Variants in PDGFC observed in about 807,000 individuals in gnomAD.
PDGFC encodes platelet-derived growth factor C.
In PDGFC, 12 loss-of-function variants were observed where a neutral mutation model predicts 35.5. The observed-to-expected ratio is 0.34, with a 90% CI of 0.22 to 0.55. PDGFC has a LOEUF of 0.55. PDGFC is among the 20% of genes least tolerant of loss of function. The probability of loss-of-function intolerance (pLI) is 0.91; values close to 1 mark genes in which losing one functional copy is unlikely to be tolerated. For synonymous variants in PDGFC, 159 were observed against 148.8 expected, an observed-to-expected ratio of 1.07 and a Z score of -0.50; for missense variants, 322 against 412.4, an observed-to-expected ratio of 0.78 and a Z score of 1.90.
At chr4:156,874,550 G>T (rs1007260415) in intron 1 of PDGFC, among the ~76,000 whole-genome samples, 2 of 151,924 alleles carry the variant, frequency 1.3e-5, no homozygotes, top group African/African-American at 4.8e-5. Context: ...CAAAGTCAAT[G>T]AAATTGAAAT....
intron 3 of PDGFC, chr4:156,774,621 G>A (rs1458365840): frequency 6.6e-6 from 1 of 151,116 alleles, no homozygotes; most frequent in Non-Finnish European, 1.5e-5. Context: ...AGAAATGAAC[G>A]TGGCAGCCTT....
chr4:156,820,565 C>T (rs7677425), intron 2 of PDGFC, among the ~76,000 whole-genome samples: 9,032 of 152,208 alleles, frequency 0.059, 879 homozygotes, highest in African/African-American at 0.21. Flanking sequence ...AAAATATTCA[C>T]GTGATTGTAT....
At chr4:156,763,684 C>G (rs191896892) in intron 5 of PDGFC, among the ~76,000 whole-genome samples, 4 of 152,324 alleles carry the variant, frequency 2.6e-5, no homozygotes, top group Admixed American at 2.6e-4. Context: ...ACAGCTGAGT[C>G]TGCTCAATTA....
chr4:156,871,282 T>C (rs1729977093), intron 1 of PDGFC, among the ~76,000 whole-genome samples: 2 of 151,952 alleles, frequency 1.3e-5, no homozygotes, highest in Admixed American at 1.3e-4. Flanking sequence ...AATTTATAGA[T>C]AAACAGGCCT....
intron 1 of PDGFC, among the ~76,000 whole-genome samples, chr4:156,857,078 G>GTT (rs199579839): frequency 7.0e-6 from 1 of 143,016 alleles, no homozygotes. Context: ...ATATCTGAGG[G>GTT]TTTTTTTTTT....
chr4:156,955,785 C>T (rs1560889885), intron 1 of PDGFC, among the ~76,000 whole-genome samples: 1 of 151,962 alleles, frequency 6.6e-6, no homozygotes, highest in Non-Finnish European at 1.5e-5. Flanking sequence ...TAAACATGCT[C>T]TTAGTATGTC....
chr4:156,801,044 C>G (rs2110913992), intron 3 of PDGFC, among the ~76,000 whole-genome samples: 1 of 152,194 alleles, frequency 6.6e-6, no homozygotes, highest in South Asian at 2.1e-4. Context: ...TTGCAACTTC[C>G]CCAGTTACTC....
At chr4:156,860,065 A>G (rs1261606356) in intron 1 of PDGFC, among the ~76,000 whole-genome samples, 2 of 152,218 alleles carry the variant, frequency 1.3e-5, no homozygotes, top group African/African-American at 4.8e-5. Flanking sequence ...GTTGAGACAG[A>G]ATGGAATAAA....
intron 1 of PDGFC, among the ~76,000 whole-genome samples, chr4:156,890,888 T>C (rs1202906941): frequency 2.0e-5 from 3 of 152,174 alleles, no homozygotes; most frequent in Non-Finnish European, 4.4e-5. Context: ...TAGGTAACCA[T>C]GTATGTATCC....
At position 156,767,905 on chromosome 4, in the gene PDGFC, T is replaced by C; in HGVS notation, c.789A>G (p.Leu263=). 1.2e-6 allele frequency: 2 copies of C among 1,613,040 alleles called. No homozygotes were observed. Among genetic ancestry groups the C allele is most frequent in the Non-Finnish European group, 1.7e-6 (2 of 1,179,102 alleles). ...RNFSVSIREE[L]KRTDTIFWPG... ...GCCAGAAAATGGTATCGGTTCTCTT[T>C]AGTTCTTCCCTTATGGACACTGAGA... is the stretch of plus-strand genomic sequence containing the variant. Residue 263 remains leucine, a synonymous_variant, in exon 5 of 6, where the codon CTA becomes CTG. Coordinates refer to ENST00000502773, the MANE Select transcript of PDGFC (RefSeq NM_016205.3).
intron 1 of PDGFC, among the ~76,000 whole-genome samples, chr4:156,952,446 T>C (rs1487057789): frequency 1.3e-5 from 2 of 151,896 alleles, no homozygotes; most frequent in Non-Finnish European, 2.9e-5. Context: ...TGGAGTTTTT[T>C]TGTTACTCAC....
intron 1 of PDGFC, among the ~76,000 whole-genome samples, chr4:156,884,690 T>C (rs1206466665): frequency 2.6e-5 from 4 of 152,238 alleles, no homozygotes; most frequent in African/African-American, 7.2e-5. Context: ...TTGCTAATTG[T>C]TTTCAAAAGT....
At chr4:156,827,136 G>A (rs1436978228) in intron 2 of PDGFC, among the ~76,000 whole-genome samples, 1 of 152,100 alleles carries the variant, frequency 6.6e-6, no homozygotes, top group East Asian at 1.9e-4. Context: ...AGAACAGATT[G>A]GCTGGGCACA....
chr4:156,955,575 G>A (rs1008891869), intron 1 of PDGFC, among the ~76,000 whole-genome samples: 6 of 151,886 alleles, frequency 4.0e-5, no homozygotes, highest in South Asian at 2.1e-4. Context: ...ATAATAATAC[G>A]AAAAATGTAA....
intron 2 of PDGFC, among the ~76,000 whole-genome samples, chr4:156,827,024 T>G (rs1345771282): frequency 6.6e-6 from 1 of 152,248 alleles, no homozygotes; most frequent in Non-Finnish European, 1.5e-5. Flanking sequence ...TATTCTATAA[T>G]GAAATGGTTT....
At chr4:156,957,072 C>A (rs191320809) in intron 1 of PDGFC, among the ~76,000 whole-genome samples, 5 of 152,012 alleles carry the variant, frequency 3.3e-5, no homozygotes, top group Non-Finnish European at 7.4e-5. Context: ...TACCTACTTC[C>A]CTACCAAATA....
intron 1 of PDGFC, among the ~76,000 whole-genome samples, chr4:156,901,748 G>A (rs1730791899): frequency 6.6e-6 from 1 of 151,964 alleles, no homozygotes; most frequent in South Asian, 2.1e-4. Context: ...TCGGCCTCCT[G>A]AGGAGCTCGG....
intron 1 of PDGFC, chr4:156,876,287 A>T (rs2111158334): frequency 6.6e-6 from 1 of 152,324 alleles, no homozygotes; most frequent in Admixed American, 6.5e-5. Flanking sequence ...CCAAATAAGT[A>T]TTTGTTTAGT....
intron 1 of PDGFC, among the ~76,000 whole-genome samples, chr4:156,882,708 C>T (rs1326189453): frequency 6.6e-6 from 1 of 152,152 alleles, no homozygotes; most frequent in Non-Finnish European, 1.5e-5. Context: ...ATATATTTCT[C>T]TAAAACAATT....
Sources: gnomAD v4.1 joint callset for allele counts (sites outside exome capture counted in the v4.1 genomes callset) on GRCh38, gnomAD v4.1.1 for gene constraint, MANE v1.5 for transcripts, NCBI Gene and HGNC (gene_info 2026-07-23, HGNC 2026-07-21) for gene names.